The following CDH6 variants were observed in gnomAD, a reference collection of about 807,000 sequenced individuals.
CDH6 encodes cadherin-6.
A neutral mutation model predicts 78.0 loss-of-function variants in CDH6; 31 were observed. That is an observed-to-expected ratio of 0.40 (90% CI 0.30 to 0.54). The LOEUF is 0.54. Ranked by LOEUF, CDH6 falls within the 20% of genes least tolerant of loss-of-function variation. The pLI is 0.56. For missense variants in CDH6, 724 were observed against 975.9 expected, an observed-to-expected ratio of 0.74 and a Z score of 3.44; for synonymous variants, 376 against 368.8, an observed-to-expected ratio of 1.02 and a Z score of -0.23.
At chr5:31,310,828 G>C (rs1738128167) in intron 7 of CDH6, among the ~76,000 whole-genome samples, 3 of 152,224 alleles carry the variant, frequency 2.0e-5, no homozygotes, top group African/African-American at 7.2e-5. Flanking sequence ...GGAGTGGCTG[G>C]AACACAGGAT....
At chr5:31,201,565 A>T (rs1251506233) in intron 1 of CDH6, among the ~76,000 whole-genome samples, 1 of 152,204 alleles carries the variant, frequency 6.6e-6, no homozygotes, top group Non-Finnish European at 1.5e-5. Flanking sequence ...TTTCATGGAA[A>T]TATGGGGAAA....
chr5:31,262,761 T>C (rs1742242804), intron 1 of CDH6, among the ~76,000 whole-genome samples: 1 of 152,162 alleles, frequency 6.6e-6, no homozygotes, highest in South Asian at 2.1e-4. Flanking sequence ...GAGCATGCCC[T>C]TACTTCTTTC....
At chr5:31,269,474 T>C (rs993029747) in intron 2 of CDH6, among the ~76,000 whole-genome samples, 2 of 152,178 alleles carry the variant, frequency 1.3e-5, no homozygotes. Flanking sequence ...TTGTTAACCT[T>C]TCTGGGCTTT....
At chr5:31,226,036 A>G (rs1278759582) in intron 1 of CDH6, among the ~76,000 whole-genome samples, 2 of 152,150 alleles carry the variant, frequency 1.3e-5, no homozygotes, top group African/African-American at 4.8e-5. Flanking sequence ...TGCTGCCCTA[A>G]GAATAGGGTT....
chr5:31,292,761 A>ATGTGTG (rs1554009144), intron 2 of CDH6, among the ~76,000 whole-genome samples: 15 of 3,462 alleles, frequency 4.3e-3, no homozygotes, highest in East Asian at 9.8e-3. Context: ...ATATATATAT[A>ATGTGTG]TGTGCGTGTG....
At chr5:31,244,543 T>C (rs545268295) in intron 1 of CDH6, among the ~76,000 whole-genome samples, 2 of 151,940 alleles carry the variant, frequency 1.3e-5, no homozygotes, top group East Asian at 3.9e-4. Flanking sequence ...AGACAAGAAC[T>C]GGGGACTGAG....
intron 8 of CDH6, among the ~76,000 whole-genome samples, chr5:31,313,977 C>A (rs181902788): frequency 2.9e-4 from 44 of 152,118 alleles, no homozygotes; most frequent in Non-Finnish European, 1.5e-4. Flanking sequence ...TACAAGCCAT[C>A]AAGTAATCAG....
intron 1 of CDH6, among the ~76,000 whole-genome samples, chr5:31,220,983 A>T (rs1030229926): frequency 2.6e-5 from 4 of 152,212 alleles, no homozygotes; most frequent in Non-Finnish European, 4.4e-5. Context: ...TAAGATCTTA[A>T]GCTGTCTTGC....
chr5:31,322,914 A>G lies in CDH6; in HGVS notation c.1979A>G (p.Asn660Ser). 1 of 1,614,146 alleles carries G rather than the reference A, an allele frequency of 6.2e-7. No individual in the cohort carries two copies. The highest frequency in any genetic ancestry group is 8.5e-7 in the Non-Finnish European group (1 of 1,180,020). ...ATCAGAGATAACATTGTCAGTTACA[A>G]CGACGAAGGTGGTGGAGAGGAGGAC... is the stretch of plus-strand genomic sequence containing the variant. ...EDIRDNIVSY[N>S]DEGGGEEDTQ... The change falls in exon 12 of 12, where the codon AAC (asparagine) becomes AGC (serine). Residue 660 changes from asparagine to serine, a missense_variant. Physicochemically the swap from Asn to Ser is conservative, Grantham distance 46. Coordinates refer to ENST00000265071, the MANE Select transcript of CDH6 (RefSeq NM_004932.4).
intron 6 of CDH6, among the ~76,000 whole-genome samples, chr5:31,302,662 A>G (rs1343729684): frequency 4.1e-5 from 6 of 147,110 alleles, no homozygotes; most frequent in African/African-American, 1.5e-4. Flanking sequence ...GCAGTGAGCC[A>G]AGATCACACC....
chr5:31,321,536 A>G (rs1223557727), intron 11 of CDH6, among the ~76,000 whole-genome samples: 1 of 152,196 alleles, frequency 6.6e-6, no homozygotes, highest in Non-Finnish European at 1.5e-5. Flanking sequence ...TGATAATTAA[A>G]TGAGATTCAG....
At chr5:31,262,541 A>G (rs1184787228) in intron 1 of CDH6, among the ~76,000 whole-genome samples, 1 of 152,218 alleles carries the variant, frequency 6.6e-6, no homozygotes, top group Non-Finnish European at 1.5e-5. Flanking sequence ...CTGTCATTAG[A>G]CTATAATTAG....
chr5:31,263,194 ACT>A (rs1335701824), intron 1 of CDH6, among the ~76,000 whole-genome samples: 1 of 150,866 alleles, frequency 6.6e-6, no homozygotes, highest in Non-Finnish European at 1.5e-5. Flanking sequence ...ACTGGTGGGG[ACT>A]CTCTGCATAG....
At chr5:31,211,264 T>C (rs1409599558) in intron 1 of CDH6, among the ~76,000 whole-genome samples, 1 of 152,206 alleles carries the variant, frequency 6.6e-6, no homozygotes, top group Non-Finnish European at 1.5e-5. Context: ...CATCAGGCTA[T>C]GTGAGCACTT....
chr5:31,259,689 A>T (rs924990749), intron 1 of CDH6, among the ~76,000 whole-genome samples: 1 of 152,256 alleles, frequency 6.6e-6, no homozygotes, highest in Non-Finnish European at 1.5e-5. Context: ...AATTAAAAGT[A>T]TAAAAATGCT....
intron 1 of CDH6, among the ~76,000 whole-genome samples, chr5:31,233,193 C>T (rs907121849): frequency 6.6e-6 from 1 of 151,412 alleles, no homozygotes; most frequent in Non-Finnish European, 1.5e-5. Context: ...TATACACATA[C>T]AGAGAGTATA....
At chr5:31,263,575 A>G (rs183933818) in intron 1 of CDH6, among the ~76,000 whole-genome samples, 1 of 151,162 alleles carries the variant, frequency 6.6e-6, no homozygotes, top group Non-Finnish European at 1.5e-5. Flanking sequence ...GAGCCACTGC[A>G]CTTGGCCTCT....
chr5:31,302,843 A>AGGAGGGAAGGAAGGAAGGAAG (rs1737833984), intron 6 of CDH6, among the ~76,000 whole-genome samples: 1 of 147,976 alleles, frequency 6.8e-6, no homozygotes, highest in Admixed American at 6.7e-5. Context: ...AAAGAAAGAA[A>AGGAGGGAAGGAAGGAAGGAAG]GAAAGAAAGA....
At chr5:31,315,453 A>G (rs1184083157) in intron 8 of CDH6, among the ~76,000 whole-genome samples, 1 of 152,252 alleles carries the variant, frequency 6.6e-6, no homozygotes, top group Non-Finnish European at 1.5e-5. Flanking sequence ...CCTGATCCTT[A>G]CACTAGAAAT....
Sources: allele counts gnomAD v4.1 joint callset (sites outside exome capture counted in the v4.1 genomes callset), GRCh38; gene constraint gnomAD v4.1.1; transcripts MANE v1.5; gene names NCBI Gene and HGNC (gene_info 2026-07-23, HGNC 2026-07-21).